POLR3G: variants seen among roughly 807,000 people sequenced by gnomAD.
POLR3G encodes RNA polymerase III subunit G, also known as DNA-directed RNA polymerase III subunit RPC7.
A neutral mutation model predicts 30.1 loss-of-function variants in POLR3G; 28 were observed. The ratio of observed to expected loss-of-function variants is 0.93; its 90% CI spans 0.69 to 1.27. POLR3G has a LOEUF of 1.27. Ranked by LOEUF, POLR3G falls within the 50% of genes most tolerant of loss-of-function variation. The probability of loss-of-function intolerance (pLI) is 0.00; values close to 1 mark genes in which losing one functional copy is unlikely to be tolerated. For synonymous variants in POLR3G, 79 were observed against 82.5 expected (o/e 0.96, Z 0.23); for missense variants, 254 against 264.6 (o/e 0.96, Z 0.28).
chr5:90,510,478 A>G (rs1278754795), intron 7 of POLR3G, among the ~76,000 whole-genome samples: 3 of 152,206 alleles, frequency 2.0e-5, no homozygotes, highest in African/African-American at 7.2e-5. Context: ...CACAAGTGAC[A>G]TATGCTTGAT....
At chr5:90,497,935 G>A (rs1346004154) in intron 5 of POLR3G, among the ~76,000 whole-genome samples, 1 of 151,972 alleles carries the variant, frequency 6.6e-6, no homozygotes, top group Non-Finnish European at 1.5e-5. Flanking sequence ...GTGAGAACTT[G>A]TCTCTACAAA....
chr5:90,484,520 AC>A (rs1185373571), intron 1 of POLR3G, among the ~76,000 whole-genome samples: 6 of 152,326 alleles, frequency 3.9e-5, no homozygotes, highest in African/African-American at 1.4e-4. Flanking sequence ...GTGTTCCTTC[AC>A]CATTAATGTG....
intron 5 of POLR3G, among the ~76,000 whole-genome samples, chr5:90,501,450 G>A (rs1752242096): frequency 6.6e-6 from 1 of 152,124 alleles, no homozygotes; most frequent in South Asian, 2.1e-4. Flanking sequence ...AAGCTGAAAG[G>A]AATATTTATC....
At chr5:90,491,025 C>G (rs1452218192) in intron 3 of POLR3G, among the ~76,000 whole-genome samples, 1 of 152,122 alleles carries the variant, frequency 6.6e-6, no homozygotes, top group Admixed American at 6.6e-5. Flanking sequence ...AACTAAATCA[C>G]TAGACACTAG....
At chr5:90,499,716 T>C (rs1752154916) in intron 5 of POLR3G, among the ~76,000 whole-genome samples, 1 of 152,188 alleles carries the variant, frequency 6.6e-6, no homozygotes, top group Non-Finnish European at 1.5e-5. Context: ...TGAGATATAA[T>C]TGACATACAA....
intron 3 of POLR3G, among the ~76,000 whole-genome samples, chr5:90,491,596 T>C (rs1416846171): frequency 1.3e-5 from 2 of 152,010 alleles, no homozygotes; most frequent in Non-Finnish European, 2.9e-5. Context: ...TATTCTTGCA[T>C]AGAGGTTTTC....
At chr5:90,485,809 T>A (rs1751411526) in intron 2 of POLR3G, 125 bp downstream of exon 2, 1 of 626,352 alleles carries the variant, frequency 1.6e-6, no homozygotes, top group Non-Finnish European at 2.7e-6. Context: ...AAGGAGAGTG[T>A]GTTTCACTTA....
intron 4 of POLR3G, among the ~76,000 whole-genome samples, chr5:90,496,008 G>C (rs1751968290): frequency 6.6e-6 from 1 of 151,858 alleles, no homozygotes; most frequent in Admixed American, 6.6e-5. Flanking sequence ...GTCTTGCTCT[G>C]TCGCCCAGGC....
chr5:90,490,274 G>GTTT (rs67906055), intron 3 of POLR3G, among the ~76,000 whole-genome samples: 2,883 of 131,336 alleles, frequency 0.022, 83 homozygotes, highest in African/African-American at 0.069. Flanking sequence ...AAATATAAGG[G>GTTT]TTTTTTTTTT....
intron 1 of POLR3G, among the ~76,000 whole-genome samples, chr5:90,483,629 A>G (rs1751260161): frequency 6.6e-6 from 1 of 151,832 alleles, no homozygotes; most frequent in Non-Finnish European, 1.5e-5. Flanking sequence ...ACATGGTGAA[A>G]CCCCGTCTCT....
chr5:90,495,587 T>A (rs1580209259), intron 3 of POLR3G, 90 bp from the exon 4 acceptor site: 14 of 1,508,272 alleles, frequency 9.3e-6, no homozygotes, highest in Middle Eastern at 3.5e-4. Flanking sequence ...AAAAATGTTG[T>A]CTGTTGTTTT....
chr5:90,474,197 G>C (rs1370475205), upstream of POLR3G: 1 of 1,611,466 alleles, frequency 6.2e-7, no homozygotes, highest in Non-Finnish European at 8.5e-7. Flanking sequence ...GCACCAGCCA[G>C]ATGTTGGCAC....
upstream of POLR3G, chr5:90,474,595 A>C: frequency 2.4e-6 from 1 of 416,822 alleles, no homozygotes; most frequent in Non-Finnish European, 4.4e-6. Context: ...AGAGAGCTTT[A>C]ACGCAGGGGC....
chr5:90,490,544 G>GCA, intron 3 of POLR3G: 1 of 367,736 alleles, frequency 2.7e-6, no homozygotes, highest in Non-Finnish European at 5.3e-6. Context: ...GACTACAGGC[G>GCA]CACACACCAT....
chr5:90,505,921 C>A (rs1752460190), intron 6 of POLR3G, among the ~76,000 whole-genome samples: 1 of 152,048 alleles, frequency 6.6e-6, no homozygotes, highest in Non-Finnish European at 1.5e-5. Flanking sequence ...AACTAAGTCA[C>A]CTCAAATATT....
chr5:90,491,190 G>A (rs1315937494), intron 3 of POLR3G, among the ~76,000 whole-genome samples: 2 of 152,128 alleles, frequency 1.3e-5, no homozygotes, highest in African/African-American at 2.4e-5. Context: ...TTTTCAGGTA[G>A]GATTATAGAA....
At chr5:90,500,291 TGAA>T (rs1752185817) in intron 5 of POLR3G, among the ~76,000 whole-genome samples, 1 of 152,098 alleles carries the variant, frequency 6.6e-6, no homozygotes, top group African/African-American at 2.4e-5. Context: ...AGTTGTTTCT[TGAA>T]GAACCAGCTA....
intron 7 of POLR3G, 146 bp from the exon 8 acceptor site, chr5:90,511,907 C>CT: frequency 1.7e-6 from 1 of 605,798 alleles, no homozygotes. Context: ...AGGTGGTGGT[C>CT]TTAAGGAAGA....
intron 7 of POLR3G, among the ~76,000 whole-genome samples, chr5:90,511,124 C>A (rs996065297): frequency 2.0e-5 from 3 of 152,142 alleles, no homozygotes; most frequent in Admixed American, 6.5e-5. Context: ...CCCTGTCCAC[C>A]CATCCCATTC....
Sources: gnomAD v4.1 joint callset for allele counts (sites outside exome capture counted in the v4.1 genomes callset) on GRCh38, gnomAD v4.1.1 for gene constraint, MANE v1.5 for transcripts, NCBI Gene and HGNC (gene_info 2026-07-23, HGNC 2026-07-21) for gene names.